Variants in SLC30A7 observed in about 807,000 individuals in gnomAD.
The protein encoded by SLC30A7 is solute carrier family 30 member 7, also known as zinc transporter 7.
A neutral mutation model predicts 46.0 loss-of-function variants in SLC30A7; 35 were observed. The observed-to-expected ratio is 0.76, with a 90% CI of 0.58 to 1.01. The LOEUF is 1.01. SLC30A7 is among the 50% of genes least tolerant of loss of function. The probability of loss-of-function intolerance (pLI) is 0.00; values close to 1 mark genes in which losing one functional copy is unlikely to be tolerated. For synonymous variants in SLC30A7, 147 were observed against 157.8 expected (o/e 0.93, Z 0.51); for missense variants, 464 against 451.1 (o/e 1.03, Z -0.26).
Position 100,939,085 on chromosome 1 carries a change from C to T in SLC30A7, c.842+17244C>T, listed in dbSNP as rs142620381. ...CATCACAGCCCTAAAGTCTAAATCC[C>T]TTTCTTAAGGTGTAACACTAGAGGC... On this transcript the variant is annotated intron_variant, in intron 8 of 10. Coordinates refer to ENST00000357650, the MANE Select transcript of SLC30A7 (RefSeq NM_133496.5). Among the ~76,000 whole-genome samples the T allele has an allele frequency of 1.9e-3, 296 of 152,302 alleles. 4 individuals carry two copies. Among genetic ancestry groups the T allele is most frequent in the African/African-American group, 6.9e-3 (288 of 41,564 alleles).
At chr1:100,987,742 G>C in the SLC30A7 span, among the ~76,000 whole-genome samples, 1 of 138,734 alleles carries the variant, frequency 7.2e-6, no homozygotes, top group African/African-American at 2.7e-5. Context: ...GCATTTTATT[G>C]TATTCCAGTC....
chr1:100,901,933 A>G (rs1264740502), intron 2 of SLC30A7, among the ~76,000 whole-genome samples: 1 of 149,802 alleles, frequency 6.7e-6, no homozygotes, highest in Non-Finnish European at 1.5e-5. Context: ...GGTATTCTCT[A>G]TGCTACCTTT....
chr1:100,940,945 G>A (rs977559558), intron 8 of SLC30A7: 8 of 312,326 alleles, frequency 2.6e-5, no homozygotes, highest in East Asian at 1.9e-4. Flanking sequence ...TCACAAATCC[G>A]TTGTAACCTG....
intron 8 of SLC30A7, among the ~76,000 whole-genome samples, chr1:100,950,280 G>A (rs1232782960): frequency 6.6e-6 from 1 of 152,206 alleles, no homozygotes; most frequent in Non-Finnish European, 1.5e-5. Context: ...AATATGGTTA[G>A]CATCCAGTGT....
chr1:100,968,184 G>A (rs748759164), intron 10 of SLC30A7, among the ~76,000 whole-genome samples: 1 of 152,132 alleles, frequency 6.6e-6, no homozygotes, highest in Non-Finnish European at 1.5e-5. Flanking sequence ...AAATAGGCCA[G>A]GCATGGTGGC....
Position 100,969,015 on chromosome 1 carries a change from A to G in SLC30A7, c.1083+3097A>G, listed in dbSNP as rs111312331. On this transcript the variant is annotated intron_variant, in intron 10 of 10. Coordinates refer to ENST00000357650, the MANE Select transcript of SLC30A7 (RefSeq NM_133496.5). Reference sequence around the variant, plus strand: ...TTCTGATAAAGAGAAATGTGTCATTAGGTCCCTTTGGGAGTAAATTAATGA... The same window carrying G: ...TTCTGATAAAGAGAAATGTGTCATTGGGTCCCTTTGGGAGTAAATTAATGA... 6.4e-3 allele frequency among the ~76,000 whole-genome samples: 971 copies of G among 152,328 alleles called. 16 individuals are homozygous for G. The highest frequency in any genetic ancestry group is 0.02 in the African/African-American group (842 of 41,576).
chr1:100,919,021 C>T (rs1308303031), intron 7 of SLC30A7, among the ~76,000 whole-genome samples: 2 of 152,136 alleles, frequency 1.3e-5, no homozygotes. Flanking sequence ...TTTGCTTTTA[C>T]AGGATTATTA....
intron 2 of SLC30A7, 88 bp downstream of exon 2, chr1:100,896,759 G>C: frequency 9.0e-7 from 1 of 1,107,342 alleles, no homozygotes. Context: ...CTCCTCACTA[G>C]GAGGTTCAGG....
chr1:100,923,637 G>C (rs957827012), intron 8 of SLC30A7, among the ~76,000 whole-genome samples: 1 of 152,082 alleles, frequency 6.6e-6, no homozygotes, highest in African/African-American at 2.4e-5. Context: ...AATTAGCTGG[G>C]CATGGTGGTT....
chr1:100,918,034 G>A (rs1442844961), intron 6 of SLC30A7, 43 bp from the exon 7 acceptor site: 1 of 1,529,994 alleles, frequency 6.5e-7, no homozygotes, highest in Non-Finnish European at 9.0e-7. Context: ...AAACTTGAAT[G>A]AGGAATTGAA....
intron 8 of SLC30A7, among the ~76,000 whole-genome samples, chr1:100,946,280 C>A (rs1055215269): frequency 1.8e-4 from 28 of 152,182 alleles, no homozygotes; most frequent in Non-Finnish European, 4.1e-4. Flanking sequence ...CCGTTTCTTT[C>A]TTTCTCTTGC....
chr1:100,929,716 G>T (rs1047765620), intron 8 of SLC30A7, among the ~76,000 whole-genome samples: 3 of 146,150 alleles, frequency 2.1e-5, no homozygotes, highest in Non-Finnish European at 4.5e-5. Flanking sequence ...AAAAAGACAG[G>T]TTTTTTTTTT....
Position 100,911,066 on chromosome 1 carries a change from T to C in SLC30A7, c.300T>C (p.Tyr100=), listed in dbSNP as rs1218541389. Residue 100 remains tyrosine (Y), a synonymous_variant, in exon 4 of 11, where the codon TAT becomes TAC. Coordinates refer to ENST00000357650, the MANE Select transcript of SLC30A7 (RefSeq NM_133496.5). ...TATTTACTTTGTTCCTCTTTAGGTATGTTAGAGCGGAAGTTCTGGCTGGCT... is the reference window on the plus strand; with the variant it reads ...TATTTACTTTGTTCCTCTTTAGGTACGTTAGAGCGGAAGTTCTGGCTGGCT... ...WRDNDAFSYG[Y]VRAEVLAGFV... The C allele has an allele frequency of 6.2e-7, 1 of 1,607,334 alleles. No individual in the cohort carries two copies. Among genetic ancestry groups the C allele is most frequent in the South Asian group, 1.1e-5 (1 of 89,904 alleles).
chr1:100,916,524 A>C (rs551005904), intron 6 of SLC30A7, among the ~76,000 whole-genome samples: 1 of 152,068 alleles, frequency 6.6e-6, no homozygotes, highest in African/African-American at 2.4e-5. Context: ...AGATGTTTTG[A>C]TACAGGCATG....
At position 100,979,654 on chromosome 1, in the gene SLC30A7, G is replaced by T. The variant is rs1262494624; in HGVS notation, c.*4797G>T. The T allele has an allele frequency of 1.3e-5, 2 of 152,004 alleles. No individual in the cohort carries two copies. The highest frequency in any genetic ancestry group is 3.8e-4 in the East Asian group (2 of 5,202). 9.4% of individuals were successfully genotyped at this position (152,004 alleles called of 1,614,324 possible). A position where few individuals can be genotyped will look rare whatever the true frequency, so the allele number is the denominator to read the frequency against. On this transcript the variant is annotated 3_prime_UTR_variant, in exon 11 of 11. Coordinates refer to ENST00000357650, the MANE Select transcript of SLC30A7 (RefSeq NM_133496.5). Reference sequence around the variant, plus strand: ...CATTTAATCCTCAAATTTCTACAAAGGAATAATTTTGCATGATTTTATGAT... The same window carrying T: ...CATTTAATCCTCAAATTTCTACAAATGAATAATTTTGCATGATTTTATGAT...
Position 100,901,661 on chromosome 1 carries a change from C to T in SLC30A7, c.182+4990C>T, listed in dbSNP as rs141104170. 3.3e-3 allele frequency among the ~76,000 whole-genome samples: 498 copies of T among 152,228 alleles called. 3 individuals are homozygous for T. The highest frequency in any genetic ancestry group is 5.3e-3 in the Non-Finnish European group (358 of 68,002). On this transcript the variant is annotated intron_variant, in intron 2 of 10. Coordinates refer to ENST00000357650, the MANE Select transcript of SLC30A7 (RefSeq NM_133496.5). ...GTTTCTCTATGTTGACCAGGCTGGT[C>T]TTGAACTTCTGACCTCAGGTGATCC...
chr1:100,975,075 T>G lies in SLC30A7; in HGVS notation c.*218T>G, dbSNP rs1052619586. On this transcript the variant is annotated 3_prime_UTR_variant, in exon 11 of 11. Transcript: ENST00000357650. The stretch of plus-strand genomic sequence containing the variant: ...CTCCTGGACTTTTGGTCTTTTCTTT[T>G]GTGCTCTTTCCTCCAAATCTTTTTG... 6.7e-5 allele frequency: 26 copies of G among 388,036 alleles called. No homozygotes were observed. Among genetic ancestry groups the G allele is most frequent in the Non-Finnish European group, 1.4e-5 (3 of 218,908 alleles). 24.0% of individuals were successfully genotyped at this position (388,036 alleles called of 1,614,324 possible).
intron 8 of SLC30A7, among the ~76,000 whole-genome samples, chr1:100,923,259 G>A (rs925148614): frequency 3.8e-5 from 4 of 105,624 alleles, no homozygotes; most frequent in East Asian, 2.4e-4. Context: ...CTCGTGATCC[G>A]CCCGCCTCGG....
chr1:100,901,153 A>G (rs1651284828), intron 2 of SLC30A7, among the ~76,000 whole-genome samples: 1 of 152,220 alleles, frequency 6.6e-6, no homozygotes, highest in Non-Finnish European at 1.5e-5. Context: ...ATGAAAATTA[A>G]TGACTCATTA....
Sources: allele counts gnomAD v4.1 joint callset (sites outside exome capture counted in the v4.1 genomes callset), GRCh38; gene constraint gnomAD v4.1.1; transcripts MANE v1.5; gene names NCBI Gene and HGNC (gene_info 2026-07-23, HGNC 2026-07-21).